NKAIN2: variants seen among roughly 807,000 people sequenced by gnomAD.
NKAIN2 encodes sodium/potassium transporting ATPase interacting 2.
NKAIN2 carries 14 observed loss-of-function variants against 32.6 expected under a neutral mutation model. That is an observed-to-expected ratio of 0.43 (90% CI 0.28 to 0.67). The LOEUF (loss-of-function observed/expected upper bound fraction) is 0.67. NKAIN2 is among the 30% of genes least tolerant of loss of function. NKAIN2 has a pLI of 0.17. For missense variants in NKAIN2, 198 were observed against 258.3 expected, an observed-to-expected ratio of 0.77 and a Z score of 1.60; for synonymous variants, 80 against 87.2, an observed-to-expected ratio of 0.92 and a Z score of 0.46.
intron 4 of NKAIN2, among the ~76,000 whole-genome samples, chr6:124,725,826 G>A (rs1776261772): frequency 1.3e-5 from 2 of 152,208 alleles, no homozygotes; most frequent in South Asian, 4.1e-4. Flanking sequence ...ATGCCAGACA[G>A]TGGGCGCAGG....
Position 124,206,180 on chromosome 6 carries a change from C to A in NKAIN2, c.55-76825C>A, listed in dbSNP as rs188384093. Reference sequence around the variant, plus strand: ...AGCCATCAAGTGTAATTTTCTATTACTTTTTCCTATTTAAGCACGAGCCTA... The same window carrying A: ...AGCCATCAAGTGTAATTTTCTATTAATTTTTCCTATTTAAGCACGAGCCTA... On this transcript the variant is annotated intron_variant, in intron 1 of 6. Transcript: ENST00000368417. Among the ~76,000 whole-genome samples the A allele has an allele frequency of 9.9e-4, 151 of 151,982 alleles. 1 individual carries two copies. The highest frequency in any genetic ancestry group is 3.5e-3 in the African/African-American group (147 of 41,520).
At chr6:124,823,050 G>T (rs1430772600) in intron 6 of NKAIN2, among the ~76,000 whole-genome samples, 170 bp from the exon 7 acceptor site, 3 of 152,254 alleles carry the variant, frequency 2.0e-5, no homozygotes, top group Non-Finnish European at 2.9e-5. Flanking sequence ...CCCTGCAATT[G>T]CCATGAATAA....
chr6:124,477,540 C>T (rs2114690565), intron 3 of NKAIN2, among the ~76,000 whole-genome samples: 1 of 152,244 alleles, frequency 6.6e-6, no homozygotes, highest in Admixed American at 6.5e-5. Context: ...GGTGCTTCTC[C>T]AGTGGTGGTA....
At chr6:124,815,412 G>T (rs1781117291) in intron 5 of NKAIN2, among the ~76,000 whole-genome samples, 1 of 151,778 alleles carries the variant, frequency 6.6e-6, no homozygotes, top group Non-Finnish European at 1.5e-5. Context: ...TGGGATTACA[G>T]ACACGCACCA....
intron 3 of NKAIN2, among the ~76,000 whole-genome samples, chr6:124,448,058 A>T (rs1204079505): frequency 6.6e-6 from 1 of 151,874 alleles, no homozygotes; most frequent in Non-Finnish European, 1.5e-5. Context: ...ATTGGACTTA[A>T]CATAACATGT....
At position 123,804,013 on chromosome 6, in the gene NKAIN2, C is replaced by T. The variant is rs1773103249; in HGVS notation, c.-188C>T. On this transcript the variant is annotated 5_prime_UTR_variant, in exon 1 of 7. Coordinates refer to ENST00000368417, the MANE Select transcript of NKAIN2 (RefSeq NM_001040214.3). Reference sequence around the variant, plus strand: ...TGGCGGGCGCGGCTGGAGCTGCCGCCGCCGCCGCCGCCGCGCCAGCAGGTC... The same window carrying T: ...TGGCGGGCGCGGCTGGAGCTGCCGCTGCCGCCGCCGCCGCGCCAGCAGGTC... 3 of 604,228 alleles carry T rather than the reference C, an allele frequency of 5.0e-6. No individual in the cohort carries two copies. The highest frequency in any genetic ancestry group is 5.7e-5 in the Admixed American group (2 of 34,804). 37.4% of individuals were successfully genotyped at this position (604,228 alleles called of 1,614,324 possible).
In NKAIN2 at chr6:124,732,702, G is replaced by A. The variant is rs142872212; in HGVS notation, c.475-58637G>A. 2.3e-3 allele frequency among the ~76,000 whole-genome samples: 348 copies of A among 152,072 alleles called. 2 individuals carry two copies. The highest frequency in any genetic ancestry group is 4.6e-3 in the South Asian group (22 of 4,826). On this transcript the variant is annotated intron_variant, in intron 4 of 6. Coordinates refer to ENST00000368417, the MANE Select transcript of NKAIN2 (RefSeq NM_001040214.3). ...TGATATTTTAGGATTGTTTTGCAATGTTACCTTTGGGAGAAACTGTGTAGA... is the reference window on the plus strand; with the variant it reads ...TGATATTTTAGGATTGTTTTGCAATATTACCTTTGGGAGAAACTGTGTAGA...
At chr6:124,342,583 C>A (rs114141659) in intron 2 of NKAIN2, among the ~76,000 whole-genome samples, 1,678 of 151,972 alleles carry the variant, frequency 0.011, 36 homozygotes, top group African/African-American at 0.037. Flanking sequence ...TCTTGGCTCA[C>A]TGCAACCTCC....
intron 1 of NKAIN2, among the ~76,000 whole-genome samples, chr6:124,024,995 A>AT (rs1781041208): frequency 6.6e-6 from 1 of 151,772 alleles, no homozygotes; most frequent in African/African-American, 2.4e-5. Flanking sequence ...AAAAAAAAAA[A>AT]GTGCTTTTCC....
At chr6:123,992,409 A>G (rs1319683420) in intron 1 of NKAIN2, among the ~76,000 whole-genome samples, 1 of 152,168 alleles carries the variant, frequency 6.6e-6, no homozygotes, top group Non-Finnish European at 1.5e-5. Flanking sequence ...GTTAAATACA[A>G]TAGAGAATTT....
At position 124,516,479 on chromosome 6, in the gene NKAIN2, G is replaced by A. The variant is rs773115581; in HGVS notation, c.274-141707G>A. Among the ~76,000 whole-genome samples, 18 of 152,122 alleles carry A rather than the reference G, an allele frequency of 1.2e-4. No individual in the cohort carries two copies. The East Asian group carries it at 2.3e-3, about 20-fold the overall frequency. On this transcript the variant is annotated intron_variant, in intron 3 of 6. Transcript: ENST00000368417. Reference sequence around the variant, plus strand: ...CTTTCAGCCTGTTTCATGTTAATAGGTGTTTTTAGTTAATTAATTTCTTCC... The same window carrying A: ...CTTTCAGCCTGTTTCATGTTAATAGATGTTTTTAGTTAATTAATTTCTTCC...
intron 5 of NKAIN2, among the ~76,000 whole-genome samples, chr6:124,806,436 T>C (rs996832296): frequency 6.6e-6 from 1 of 151,762 alleles, no homozygotes; most frequent in Non-Finnish European, 1.5e-5. Flanking sequence ...GACAAGCAAA[T>C]GCTGAGAGAT....
chr6:124,051,691 C>T (rs1265630843), intron 1 of NKAIN2, among the ~76,000 whole-genome samples: 1 of 151,832 alleles, frequency 6.6e-6, no homozygotes, highest in Non-Finnish European at 1.5e-5. Context: ...GTTTGCAGTG[C>T]CAAGTTACAA....
chr6:124,642,866 T>C (rs1382293256), intron 3 of NKAIN2, among the ~76,000 whole-genome samples: 32 of 152,204 alleles, frequency 2.1e-4, no homozygotes, highest in Admixed American at 2.1e-3. Flanking sequence ...GTAAGGAGAA[T>C]GCTGACTTGG....
chr6:123,944,064 C>A (rs1776953800), intron 1 of NKAIN2, among the ~76,000 whole-genome samples: 1 of 151,954 alleles, frequency 6.6e-6, no homozygotes, highest in Non-Finnish European at 1.5e-5. Context: ...GGGAATAACT[C>A]TGGTTTCTTT....
At chr6:124,325,102 T>G (rs1358772391) in intron 2 of NKAIN2, among the ~76,000 whole-genome samples, 2 of 152,068 alleles carry the variant, frequency 1.3e-5, no homozygotes, top group African/African-American at 4.8e-5. Flanking sequence ...AAAATGAAAT[T>G]AATGATTTGA....
chr6:124,689,533 C>T (rs1774159238), intron 4 of NKAIN2, among the ~76,000 whole-genome samples: 1 of 152,060 alleles, frequency 6.6e-6, no homozygotes, highest in South Asian at 2.1e-4. Context: ...AAAGTCATCA[C>T]CAAACCAATG....
chr6:124,014,128 C>T (rs1222590278), intron 1 of NKAIN2, among the ~76,000 whole-genome samples: 2 of 152,076 alleles, frequency 1.3e-5, no homozygotes, highest in Admixed American at 6.5e-5. Flanking sequence ...ATTAAACAAG[C>T]AATGTTTTCT....
chr6:124,589,843 A>G (rs973324508), intron 3 of NKAIN2, among the ~76,000 whole-genome samples: 5 of 151,002 alleles, frequency 3.3e-5, no homozygotes, highest in African/African-American at 1.2e-4. Flanking sequence ...CCACCCCCCA[A>G]CAAGCCCTGG....
Sources: allele counts gnomAD v4.1 joint callset (sites outside exome capture counted in the v4.1 genomes callset), GRCh38; gene constraint gnomAD v4.1.1; transcripts MANE v1.5; gene names NCBI Gene and HGNC (gene_info 2026-07-23, HGNC 2026-07-21).